TAPT1: variants seen among roughly 807,000 people sequenced by gnomAD.
The protein encoded by TAPT1 is transmembrane anterior posterior transformation 1.
TAPT1 carries 28 observed loss-of-function variants against 65.6 expected under a neutral mutation model. The observed-to-expected ratio is 0.43, with a 90% CI of 0.32 to 0.59. TAPT1 has a LOEUF of 0.59. Ranked by LOEUF, TAPT1 falls within the 20% of genes least tolerant of loss-of-function variation. The pLI is 0.09. For synonymous variants in TAPT1, 278 were observed against 245.2 expected (o/e 1.13, Z -1.25); for missense variants, 563 against 679.9 (o/e 0.83, Z 1.91).
chr4:16,195,572 T>C (rs28655185), intron 3 of TAPT1, among the ~76,000 whole-genome samples: 1 of 152,244 alleles, frequency 6.6e-6, no homozygotes, highest in Admixed American at 6.5e-5. Context: ...TAAAAATTTC[T>C]AGTAAAACCA....
chr4:16,220,973 A>C (rs1377815275), intron 1 of TAPT1, among the ~76,000 whole-genome samples: 1 of 151,970 alleles, frequency 6.6e-6, no homozygotes, highest in Non-Finnish European at 1.5e-5. Flanking sequence ...GGCTCAAGCA[A>C]TCCACCCGCC....
chr4:16,219,450 AG>A (rs1452576372), intron 1 of TAPT1, among the ~76,000 whole-genome samples: 3 of 152,228 alleles, frequency 2.0e-5, no homozygotes, highest in Admixed American at 2.0e-4. Flanking sequence ...ATATTCTCGA[AG>A]TCCAGCCCTG....
chr4:16,176,168 T>C lies in TAPT1; in HGVS notation c.1058A>G (p.Asp353Gly). ...AGTAATAAAGGCATGTTTTACAATA[T>C]CCACGGCAATTTCTGATGCAATTAC... ...CMVIASEIAV[D>G]IVKHAFITKF... The change falls in exon 9 of 14, where the codon GAT (aspartate) becomes GGT (glycine). Residue 353 changes from aspartate (D) to glycine (G), a missense_variant. Asp to Gly is a moderately conservative substitution (Grantham distance 94). This residue lies in a region of TAPT1 where 104 missense variants were observed against 102.5 expected (regional missense o/e 1.01). Transcript: ENST00000405303. 1 of 1,578,320 alleles carries C rather than the reference T, an allele frequency of 6.3e-7. No individual in the cohort carries two copies. The highest frequency in any genetic ancestry group is 8.6e-7 in the Non-Finnish European group (1 of 1,160,568).
chr4:16,186,955 A>G, intron 5 of TAPT1, 77 bp from the exon 6 acceptor site: 2 of 757,952 alleles, frequency 2.6e-6, no homozygotes, highest in South Asian at 1.7e-5. Context: ...TTGAAAGTGA[A>G]TAATAAAGAT....
intron 11 of TAPT1, among the ~76,000 whole-genome samples, chr4:16,171,737 C>T (rs1748003785): frequency 6.6e-6 from 1 of 152,110 alleles, no homozygotes. Context: ...GCAATTGTGA[C>T]TGAAGTTAAC....
At chr4:16,169,010 A>C (rs1747819301) in intron 12 of TAPT1, among the ~76,000 whole-genome samples, 1 of 152,250 alleles carries the variant, frequency 6.6e-6, no homozygotes, top group Non-Finnish European at 1.5e-5. Flanking sequence ...TTTTTAACTG[A>C]AGACACATTC....
intron 1 of TAPT1, among the ~76,000 whole-genome samples, chr4:16,224,956 T>C (rs1751460053): frequency 6.6e-6 from 1 of 152,232 alleles, no homozygotes; most frequent in Admixed American, 6.5e-5. Context: ...GCTACATCTA[T>C]CTCTATTTAC....
chr4:16,216,770 G>A (rs1338870789), intron 1 of TAPT1, among the ~76,000 whole-genome samples: 1 of 152,108 alleles, frequency 6.6e-6, no homozygotes, highest in Non-Finnish European at 1.5e-5. Context: ...CTTCTTGATT[G>A]AGTACCATTC....
rs1749147489 is a variant in TAPT1, at chr4:16,188,372, T to C, written c.613-17A>G. On this transcript the variant is annotated splice_polypyrimidine_tract_variant and intron_variant, in intron 4 of 13. Transcript: ENST00000405303. ...ATCAGCTACCTAAAAAAAAAAATTATTTGTAAGATGTTTCTTAATATTCCA... is the reference window on the plus strand; with the variant it reads ...ATCAGCTACCTAAAAAAAAAAATTACTTGTAAGATGTTTCTTAATATTCCA... The C allele has an allele frequency of 6.6e-7, 1 of 1,525,044 alleles. No homozygotes were observed. Among genetic ancestry groups the C allele is most frequent in the African/African-American group, 1.4e-5 (1 of 71,082 alleles). The allele number at this position is 1,525,044 out of a possible 1,614,324, so 94.5% of individuals were successfully genotyped here.
intron 4 of TAPT1, 95 bp downstream of exon 4, chr4:16,191,266 C>T (rs1000688229): frequency 2.7e-5 from 34 of 1,282,776 alleles, no homozygotes; most frequent in African/African-American, 1.6e-4. Flanking sequence ...TAACTAGAGT[C>T]GGTAGAGCAT....
At chr4:16,174,088 T>C (rs1173572881) in intron 11 of TAPT1, 116 bp downstream of exon 11, 1 of 871,526 alleles carries the variant, frequency 1.1e-6, no homozygotes, top group Non-Finnish European at 1.7e-6. Flanking sequence ...TCCAAGTTAT[T>C]TACCCTTAAT....
At chr4:16,180,339 T>C (rs535648795) in intron 7 of TAPT1, among the ~76,000 whole-genome samples, 1 of 152,336 alleles carries the variant, frequency 6.6e-6, no homozygotes, top group South Asian at 2.1e-4. Context: ...AACTTTCTCA[T>C]AGTCTAAGAT....
At chr4:16,208,492 T>C (rs1333972915) in intron 2 of TAPT1, among the ~76,000 whole-genome samples, 1 of 152,150 alleles carries the variant, frequency 6.6e-6, no homozygotes, top group Non-Finnish European at 1.5e-5. Flanking sequence ...ATAAAAGGCA[T>C]AGTCAAAAAA....
intron 1 of TAPT1, among the ~76,000 whole-genome samples, chr4:16,223,266 A>G (rs781296837): frequency 4.6e-5 from 7 of 152,238 alleles, no homozygotes; most frequent in Non-Finnish European, 7.3e-5. Context: ...AAATATGGCT[A>G]TACAGAAACT....
chr4:16,174,345 T>C (rs901617102), intron 10 of TAPT1, 73 bp from the exon 11 acceptor site: 1 of 1,316,578 alleles, frequency 7.6e-7, no homozygotes, highest in African/African-American at 1.5e-5. Flanking sequence ...TATTCACTTA[T>C]TACCAGCAAA....
intron 2 of TAPT1, among the ~76,000 whole-genome samples, chr4:16,203,312 C>T (rs1750147603): frequency 6.6e-6 from 1 of 152,174 alleles, no homozygotes; most frequent in Non-Finnish European, 1.5e-5. Flanking sequence ...ATGCCCTCAC[C>T]ACAGCATCCA....
At chr4:16,224,695 C>A (rs1484446466) in intron 1 of TAPT1, among the ~76,000 whole-genome samples, 1 of 152,140 alleles carries the variant, frequency 6.6e-6, no homozygotes, top group East Asian at 1.9e-4. Flanking sequence ...AAAAATCCAG[C>A]CTTAAACATG....
rs1285936504 is a variant in TAPT1 at position 16,161,006 on chromosome 4, G to A, written c.*2302C>T. The A allele has an allele frequency of 6.6e-6, 1 of 152,572 alleles. No homozygotes were observed. The highest frequency in any genetic ancestry group is 1.9e-4 in the East Asian group (1 of 5,196). The allele number at this position is 152,572 out of a possible 1,614,324, so 9.5% of individuals were successfully genotyped here. A position where few individuals can be genotyped will look rare whatever the true frequency, so the allele number is the denominator to read the frequency against. Reference sequence around the variant, plus strand: ...TAGATTTTTTTAAAACCAAAGCACTGTCTTGAACTTGACTCCCAGATGTGA... The same window carrying A: ...TAGATTTTTTTAAAACCAAAGCACTATCTTGAACTTGACTCCCAGATGTGA... On this transcript the variant is annotated 3_prime_UTR_variant, in exon 14 of 14. Coordinates refer to ENST00000405303, the MANE Select transcript of TAPT1 (RefSeq NM_153365.3).
chr4:16,187,989 C>A (rs1749122959), intron 5 of TAPT1, among the ~76,000 whole-genome samples: 1 of 152,168 alleles, frequency 6.6e-6, no homozygotes, highest in African/African-American at 2.4e-5. Context: ...ATCAGTTACA[C>A]TGCAAACAGA....
Sources: allele counts gnomAD v4.1 joint callset (sites outside exome capture counted in the v4.1 genomes callset), GRCh38; gene constraint gnomAD v4.1.1; regional missense constraint gnomAD v4.1.1; transcripts MANE v1.5; gene names NCBI Gene and HGNC (gene_info 2026-07-23, HGNC 2026-07-21).